PACC1: variants seen among roughly 807,000 people sequenced by gnomAD.
PACC1 encodes the protein proton activated chloride channel 1, also known as proton-activated chloride channel.
A neutral mutation model predicts 39.7 loss-of-function variants in PACC1; 34 were observed. That is an observed-to-expected ratio of 0.86 (90% CI 0.65 to 1.14). PACC1 has a LOEUF of 1.14. Among genes scored for constraint, PACC1 ranks in the 50% most tolerant of loss-of-function variants. The pLI is 0.00. For synonymous variants in PACC1, 127 were observed against 160.6 expected (o/e 0.79, Z 1.58); for missense variants, 379 against 436.4 (o/e 0.87, Z 1.17).
At chr1:212,409,740 G>A (rs1448363917) in intron 2 of PACC1, among the ~76,000 whole-genome samples, 3 of 152,160 alleles carry the variant, frequency 2.0e-5, no homozygotes, top group East Asian at 1.9e-4. Flanking sequence ...CGGTTTGTAG[G>A]TAACCTCTGG....
At chr1:212,382,699 C>T (rs1044808833) in intron 4 of PACC1, among the ~76,000 whole-genome samples, 3 of 152,194 alleles carry the variant, frequency 2.0e-5, no homozygotes, top group Non-Finnish European at 4.4e-5. Context: ...AAGAAGCCGC[C>T]CTCCAAGTTT....
At chr1:212,398,451 T>C (rs1311711021) in intron 2 of PACC1, among the ~76,000 whole-genome samples, 1 of 152,128 alleles carries the variant, frequency 6.6e-6, no homozygotes, top group Non-Finnish European at 1.5e-5. Flanking sequence ...CTTTAGAAGG[T>C]TTTCACTTTA....
chr1:212,382,492 A>G (rs947359218), intron 4 of PACC1, among the ~76,000 whole-genome samples: 10 of 152,228 alleles, frequency 6.6e-5, no homozygotes, highest in African/African-American at 2.2e-4. Flanking sequence ...GCATTTGGTA[A>G]AAAATAACTA....
At chr1:212,393,220 A>C (rs1232788402) in intron 2 of PACC1, among the ~76,000 whole-genome samples, 1 of 152,194 alleles carries the variant, frequency 6.6e-6, no homozygotes. Context: ...AAAGAACAGA[A>C]ATTATAACAA....
At position 212,365,125 on chromosome 1, in the gene PACC1, G is replaced by T; in HGVS notation, c.*90C>A. The T allele has an allele frequency of 1.5e-6, 2 of 1,365,942 alleles. No individual in the cohort carries two copies. Among genetic ancestry groups the T allele is most frequent in the Non-Finnish European group, 2.0e-6 (2 of 1,001,158 alleles). 84.6% of individuals were successfully genotyped at this position (1,365,942 alleles called of 1,614,324 possible). A position where few individuals can be genotyped will look rare whatever the true frequency, so the allele number is the denominator to read the frequency against. On this transcript the variant is annotated 3_prime_UTR_variant, in exon 8 of 8. Coordinates refer to ENST00000261455, the MANE Select transcript of PACC1 (RefSeq NM_018252.3). The stretch of plus-strand genomic sequence containing the variant: ...AGCAAGGCCCCATTTCTTCAAGTGA[G>T]TACAGGATTGTTGATAGCTCCGTTT...
chr1:212,392,339 C>T (rs1661353651), intron 2 of PACC1, among the ~76,000 whole-genome samples: 1 of 152,128 alleles, frequency 6.6e-6, no homozygotes, highest in African/African-American at 2.4e-5. Context: ...TCCAGCCAAA[C>T]TAAGCTTCAT....
intron 7 of PACC1, among the ~76,000 whole-genome samples, chr1:212,367,410 A>G (rs1249204102): frequency 6.6e-6 from 1 of 152,226 alleles, no homozygotes; most frequent in Non-Finnish European, 1.5e-5. Context: ...AAGGGAAAAC[A>G]GCACCAGGCA....
chr1:212,404,368 AG>A (rs1461766155), intron 2 of PACC1, among the ~76,000 whole-genome samples: 1 of 151,848 alleles, frequency 6.6e-6, no homozygotes, highest in Non-Finnish European at 1.5e-5. Context: ...AGCCTCCCAA[AG>A]TGCTGGGATC....
intron 4 of PACC1, among the ~76,000 whole-genome samples, chr1:212,382,387 A>G (rs951581753): frequency 1.3e-5 from 2 of 152,160 alleles, no homozygotes; most frequent in Non-Finnish European, 2.9e-5. Flanking sequence ...GGGAACAGCC[A>G]AACATTTGGG....
chr1:212,409,616 TG>T (rs1283158670), intron 2 of PACC1, among the ~76,000 whole-genome samples: 1 of 152,120 alleles, frequency 6.6e-6, no homozygotes, highest in Non-Finnish European at 1.5e-5. Context: ...AGGACCAAGC[TG>T]GGACTGAGAT....
At chr1:212,370,901 A>G (rs11119923) in intron 7 of PACC1, among the ~76,000 whole-genome samples, 48,705 of 152,108 alleles carry the variant, frequency 0.32, 9,560 homozygotes, top group East Asian at 0.47. Flanking sequence ...CAAATTTATC[A>G]GAATAATAAT....
chr1:212,365,135 G>T lies in PACC1; in HGVS notation c.*80C>A. The T allele has an allele frequency of 6.9e-7, 1 of 1,456,694 alleles. No homozygotes were observed. The allele number at this position is 1,456,694 out of a possible 1,614,324, so 90.2% of individuals were successfully genotyped here. On this transcript the variant is annotated 3_prime_UTR_variant, in exon 8 of 8. Transcript: ENST00000261455. The stretch of plus-strand genomic sequence containing the variant: ...CATTTCTTCAAGTGAGTACAGGATT[G>T]TTGATAGCTCCGTTTACAAAGTGGA...
chr1:212,403,763 C>A (rs959803670), intron 2 of PACC1, among the ~76,000 whole-genome samples: 6 of 152,094 alleles, frequency 3.9e-5, no homozygotes, highest in African/African-American at 1.4e-4. Flanking sequence ...CAGAGTTTTG[C>A]CATATTGCCC....
At chr1:212,413,890 G>C in intron 1 of PACC1, 1 of 1,531,388 alleles carries the variant, frequency 6.5e-7, no homozygotes, top group South Asian at 1.2e-5. Context: ...AACTGGAGGA[G>C]GACCGACCTG....
intron 2 of PACC1, among the ~76,000 whole-genome samples, chr1:212,395,724 C>T (rs1000841972): frequency 6.6e-6 from 1 of 151,940 alleles, no homozygotes; most frequent in African/African-American, 2.4e-5. Flanking sequence ...CTACAAAGAA[C>T]TCCAACACAT....
At chr1:212,378,384 G>A (rs1293167316) in intron 5 of PACC1, among the ~76,000 whole-genome samples, 1 of 152,266 alleles carries the variant, frequency 6.6e-6, no homozygotes, top group Non-Finnish European at 1.5e-5. Context: ...GGAATTCTAG[G>A]TGGCAGAAAG....
At chr1:212,412,723 G>A (rs958871741) in intron 1 of PACC1, among the ~76,000 whole-genome samples, 2 of 152,138 alleles carry the variant, frequency 1.3e-5, no homozygotes, top group African/African-American at 4.8e-5. Flanking sequence ...TATAAGCCCT[G>A]CTAGGCTGGC....
chr1:212,364,562 T>C lies in PACC1; in HGVS notation c.*653A>G, dbSNP rs1660163947. ...CTTCTATGTACATCTGTCCTAGTGC[T>C]TTTGAGTGTTAATCTAAACTCATAC... is the stretch of plus-strand genomic sequence containing the variant. On this transcript the variant is annotated 3_prime_UTR_variant, in exon 8 of 8. Coordinates refer to ENST00000261455, the MANE Select transcript of PACC1 (RefSeq NM_018252.3). The C allele has an allele frequency of 6.5e-6, 1 of 152,682 alleles. No homozygotes were observed. The highest frequency in any genetic ancestry group is 2.1e-4 in the South Asian group (1 of 4,836). The allele number at this position is 152,682 out of a possible 1,614,324, so 9.5% of individuals were successfully genotyped here.
chr1:212,410,617 T>C lies in PACC1; in HGVS notation c.37-96A>G. 6 of 1,134,146 alleles carry C rather than the reference T, an allele frequency of 5.3e-6. No individual in the cohort carries two copies. In the South Asian group the frequency reaches 6.2e-5, roughly 12 times the overall value. 70.3% of individuals were successfully genotyped at this position (1,134,146 alleles called of 1,614,324 possible). On this transcript the variant is annotated intron_variant, in intron 1 of 7. Transcript: ENST00000261455. ...AAAGCAGAAGCTGCTTGTCACTTAA[T>C]TGTCACCAAAAACCACATGACATAG...
Sources: allele counts gnomAD v4.1 joint callset (sites outside exome capture counted in the v4.1 genomes callset), GRCh38; gene constraint gnomAD v4.1.1; transcripts MANE v1.5; gene names NCBI Gene and HGNC (gene_info 2026-07-23, HGNC 2026-07-21).